The following DNAH17 variants were observed in gnomAD, a reference collection of about 807,000 sequenced individuals.
DNAH17 encodes dynein axonemal heavy chain 17.
In DNAH17, 376 loss-of-function variants were observed where a neutral mutation model predicts 485.6. The ratio of observed to expected loss-of-function variants is 0.77; its 90% CI spans 0.71 to 0.84. The LOEUF (loss-of-function observed/expected upper bound fraction) is 0.84. Ranked by LOEUF, DNAH17 falls within the 40% of genes least tolerant of loss-of-function variation. The pLI, the probability that DNAH17 is intolerant of heterozygous loss-of-function variation, is 0.00. For missense variants in DNAH17, 6,370 were observed against 5,839.3 expected (o/e 1.09, Z -2.96); for synonymous variants, 3,031 against 2,405.9 (o/e 1.26, Z -7.60).
At chr17:78,570,869 A>AAAAAG in intron 6 of DNAH17, 79 bp downstream of exon 6, 4 of 766,892 alleles carry the variant, frequency 5.2e-6, no homozygotes, top group Non-Finnish European at 7.6e-6. Flanking sequence ...AAAAAAAAAA[A>AAAAAG]AAAAAAAAAG....
intron 20 of DNAH17, among the ~76,000 whole-genome samples, chr17:78,532,025 C>G (rs950157190): frequency 1.3e-5 from 2 of 152,216 alleles, no homozygotes; most frequent in African/African-American, 4.8e-5. Flanking sequence ...CCGACCATCC[C>G]CTTGATGGGG....
At chr17:78,443,240 C>G (rs2087142121) in intron 71 of DNAH17, among the ~76,000 whole-genome samples, 1 of 152,226 alleles carries the variant, frequency 6.6e-6, no homozygotes, top group South Asian at 2.1e-4. Flanking sequence ...CGGATGCACA[C>G]TGGGTCTTGT....
intron 11 of DNAH17, among the ~76,000 whole-genome samples, chr17:78,564,211 G>C (rs914575408): frequency 6.6e-6 from 1 of 152,146 alleles, no homozygotes; most frequent in Non-Finnish European, 1.5e-5. Context: ...GGATCCCCTA[G>C]TGAACCCTGG....
chr17:78,437,526 G>A (rs552883592), intron 74 of DNAH17, 115 bp downstream of exon 74: 1 of 694,380 alleles, frequency 1.4e-6, no homozygotes, highest in African/African-American at 1.8e-5. Context: ...GGGAAGCCCA[G>A]AGGGGAGGTG....
In DNAH17 at chr17:78,429,319, G is replaced by C; in HGVS notation, c.12226-19C>G. ...AGGGCACCTGAGGAAGGATGACAGC[G>C]GGTAGGGGAAAGTGCCCCTGTGCCC... On this transcript the variant is annotated intron_variant, in intron 75 of 80. Transcript: ENST00000389840. The C allele has an allele frequency of 6.2e-7, 1 of 1,608,514 alleles. No individual in the cohort carries two copies.
chr17:78,448,716 A>C (rs988980703), intron 69 of DNAH17, among the ~76,000 whole-genome samples: 1 of 152,184 alleles, frequency 6.6e-6, no homozygotes, highest in Non-Finnish European at 1.5e-5. Context: ...CCGTGACAGC[A>C]GAGTGAATGG....
At chr17:78,502,570 A>G (rs2090336201) in intron 33 of DNAH17, 21 bp downstream of exon 33, 1 of 1,601,982 alleles carries the variant, frequency 6.2e-7, no homozygotes. Context: ...AAACGTAACT[A>G]ACTACACACT....
chr17:78,507,885 A>T, intron 27 of DNAH17, 80 bp from the exon 28 acceptor site: 1 of 1,274,806 alleles, frequency 7.8e-7, no homozygotes, highest in Non-Finnish European at 1.1e-6. Context: ...TCCAGGACAT[A>T]GACTGAAGCT....
At chr17:78,469,007 A>G (rs2088621844) in intron 54 of DNAH17, 124 bp from the exon 55 acceptor site, 3 of 1,250,506 alleles carry the variant, frequency 2.4e-6, no homozygotes, top group Non-Finnish European at 3.2e-6. Flanking sequence ...TCTGTCGCCC[A>G]GGCTGGAGTG....
Position 78,460,030 on chromosome 17 carries a change from T to C in DNAH17, c.9436-29A>G, listed in dbSNP as rs576201793. 2.5e-6 allele frequency: 4 copies of C among 1,610,856 alleles called. No individual in the cohort carries two copies. In the South Asian group the frequency reaches 4.4e-5, roughly 18 times the overall value. On this transcript the variant is annotated intron_variant, in intron 59 of 80. Coordinates refer to ENST00000389840, the MANE Select transcript of DNAH17 (RefSeq NM_173628.4). ...CAAATGACAGACGGGATGGGTCCGA[T>C]GGGAGTTTGGACCGGGTCCTCGGTG...
At chr17:78,424,913 T>G (rs990723662) in intron 80 of DNAH17, 2 of 161,134 alleles carry the variant, frequency 1.2e-5, no homozygotes, top group Non-Finnish European at 2.7e-5. Flanking sequence ...AACCCTGTGT[T>G]CCAGGAGTGG....
intron 25 of DNAH17, chr17:78,522,476 T>C: frequency 3.1e-6 from 1 of 324,998 alleles, no homozygotes; most frequent in Non-Finnish European, 6.2e-6. Flanking sequence ...AACATCAAGC[T>C]CCTGAAGCAC....
intron 60 of DNAH17, 136 bp downstream of exon 60, chr17:78,459,647 CT>C: frequency 1.1e-6 from 1 of 892,526 alleles, no homozygotes; most frequent in Non-Finnish European, 1.7e-6. Context: ...TCTTGGGGTG[CT>C]GTATGGGGAA....
intron 11 of DNAH17, among the ~76,000 whole-genome samples, chr17:78,564,171 A>G (rs2092219171): frequency 6.6e-6 from 1 of 151,360 alleles, no homozygotes; most frequent in South Asian, 2.1e-4. Flanking sequence ...ACAAAGTTGA[A>G]CTCGCCAACC....
In DNAH17 at chr17:78,526,893, C is replaced by T. The variant is rs1454498143; in HGVS notation, c.3611G>A (p.Cys1204Tyr). The change falls in exon 23 of 81, where the codon TGC (cysteine) becomes TAC (tyrosine). Residue 1204 changes from cysteine (C) to tyrosine (Y), a missense_variant. Transcript: ENST00000389840. ...CAGGTATAATACCTCGAATTGCTGG[C>T]ATTTCCGCCGCAGGATGCTGACCTC... ...ANEVSILRRK[C>Y]QQFELKQHEF... 1.3e-6 allele frequency: 2 copies of T among 1,574,362 alleles called. No homozygotes were observed. The highest frequency in any genetic ancestry group is 2.3e-5 in the East Asian group (1 of 42,892).
chr17:78,573,324 G>T (rs1355316289), intron 2 of DNAH17, among the ~76,000 whole-genome samples: 1 of 152,272 alleles, frequency 6.6e-6, no homozygotes, highest in East Asian at 1.9e-4. Context: ...AGGGCTGGGG[G>T]CGGTAGCTCA....
At position 78,569,546 on chromosome 17, in the gene DNAH17, A is replaced by G; in HGVS notation, c.1045-19T>C. The G allele has an allele frequency of 6.3e-7, 1 of 1,593,230 alleles. No homozygotes were observed. Among genetic ancestry groups the G allele is most frequent in the African/African-American group, 1.3e-5 (1 of 74,582 alleles). On this transcript the variant is annotated intron_variant, in intron 7 of 80. Coordinates refer to ENST00000389840, the MANE Select transcript of DNAH17 (RefSeq NM_173628.4). The stretch of plus-strand genomic sequence containing the variant: ...TTCGTGTCTGGGCAAAAGAGAAGAC[A>G]GACATCTAAAGCTCCGACAAGCCAT...
At chr17:78,439,302 C>A in intron 72 of DNAH17, 85 bp from the exon 73 acceptor site, 1 of 1,450,064 alleles carries the variant, frequency 6.9e-7, no homozygotes, top group South Asian at 1.4e-5. Flanking sequence ...AGGAATTCCA[C>A]ATGCCTCCCT....
chr17:78,574,337 AC>A (rs928018690), intron 2 of DNAH17, among the ~76,000 whole-genome samples: 2 of 152,102 alleles, frequency 1.3e-5, no homozygotes, highest in Non-Finnish European at 2.9e-5. Context: ...CTCATCTCTT[AC>A]CAAAAAATAC....
Sources: allele counts gnomAD v4.1 joint callset (sites outside exome capture counted in the v4.1 genomes callset), GRCh38; gene constraint gnomAD v4.1.1; transcripts MANE v1.5; gene names NCBI Gene and HGNC (gene_info 2026-07-23, HGNC 2026-07-21).